Variants in PDZD2 observed in about 807,000 individuals in gnomAD.
PDZD2 encodes the protein PDZ domain containing 2.
PDZD2 carries 90 observed loss-of-function variants against 220.7 expected under a neutral mutation model. That is an observed-to-expected ratio of 0.41 (90% CI 0.34 to 0.49). PDZD2 has a LOEUF of 0.49. Among genes scored for constraint, PDZD2 ranks in the 20% least tolerant of loss-of-function variants. PDZD2 has a pLI of 0.28. For synonymous variants in PDZD2, 1,375 were observed against 1,450.5 expected (o/e 0.95, Z 1.18); for missense variants, 3,174 against 3,608.5 (o/e 0.88, Z 3.08).
At chr5:32,027,109 G>A (rs985705577) in intron 6 of PDZD2, among the ~76,000 whole-genome samples, 7 of 151,972 alleles carry the variant, frequency 4.6e-5, no homozygotes, top group Non-Finnish European at 7.4e-5. Context: ...TCACCATGTT[G>A]GCCAGGCTGG....
chr5:31,737,122 T>C (rs1183514442), intron 1 of PDZD2, among the ~76,000 whole-genome samples: 1 of 150,920 alleles, frequency 6.6e-6, no homozygotes, highest in African/African-American at 2.4e-5. Flanking sequence ...ACCTTAGCAC[T>C]GGGGTGGATG....
At chr5:31,693,088 G>A (rs1327479462) in intron 1 of PDZD2, 4 of 104,906 alleles carry the variant, frequency 3.8e-5, no homozygotes, top group Admixed American at 3.6e-4. Flanking sequence ...CAGCCTGGCA[G>A]GGGCCTGCTG....
chr5:31,983,945 C>T (rs1561263645), intron 3 of PDZD2, among the ~76,000 whole-genome samples: 1 of 152,164 alleles, frequency 6.6e-6, no homozygotes, highest in Non-Finnish European at 1.5e-5. Flanking sequence ...GTGGAAAACT[C>T]AAGCCTTCTG....
At chr5:31,787,026 A>G (rs557730522) in intron 1 of PDZD2, among the ~76,000 whole-genome samples, 1 of 152,342 alleles carries the variant, frequency 6.6e-6, no homozygotes, top group Non-Finnish European at 1.5e-5. Flanking sequence ...TGATAATGCT[A>G]TATGTGGATG....
At chr5:31,980,538 A>G (rs1380112183) in intron 2 of PDZD2, among the ~76,000 whole-genome samples, 4 of 152,166 alleles carry the variant, frequency 2.6e-5, no homozygotes, top group Non-Finnish European at 5.9e-5. Context: ...CCCACTCTCA[A>G]TCTAGTCTTG....
chr5:31,792,166 G>C (rs934074260), intron 1 of PDZD2, among the ~76,000 whole-genome samples: 2 of 152,186 alleles, frequency 1.3e-5, no homozygotes, highest in Non-Finnish European at 2.9e-5. Context: ...ACACGCTTCT[G>C]ACACAAACTA....
chr5:32,018,831 G>A (rs1226693318), intron 6 of PDZD2, among the ~76,000 whole-genome samples: 1 of 152,228 alleles, frequency 6.6e-6, no homozygotes. Context: ...GATTGCCAGA[G>A]CAAGATAGGA....
intron 2 of PDZD2, among the ~76,000 whole-genome samples, chr5:31,920,082 G>A (rs1300118372): frequency 2.0e-5 from 3 of 151,844 alleles, no homozygotes; most frequent in East Asian, 1.9e-4. Flanking sequence ...TCAGTAGTTC[G>A]AGACCAGCCT....
chr5:31,887,129 T>C (rs1346312082), intron 2 of PDZD2, among the ~76,000 whole-genome samples: 3 of 152,234 alleles, frequency 2.0e-5, no homozygotes, highest in African/African-American at 7.2e-5. Flanking sequence ...TCATTCTTAC[T>C]GTGGATTTCT....
At chr5:31,990,961 G>A (rs147779605) in intron 3 of PDZD2, among the ~76,000 whole-genome samples, 1 of 152,252 alleles carries the variant, frequency 6.6e-6, no homozygotes, top group Non-Finnish European at 1.5e-5. Context: ...TCAGAAAAGG[G>A]CAGCCCTGCA....
Position 32,087,730 on chromosome 5 carries a change from G to A in PDZD2, c.4282G>A (p.Asp1428Asn). The change falls in exon 20 of 25, where the codon GAC (aspartate) becomes AAC (asparagine). Residue 1428 changes from aspartate (D) to asparagine (N), a missense_variant. Transcript: ENST00000438447. This position sits in a 1 kb window ranked among gnomAD's most constrained non-coding sequence, Gnocchi z 4.0. ...TAGAGAGAGCCCTGTGACGGACATT[G>A]ACAGCTTCATCAAGGAGCTGGATGC... ...GSRESPVTDI[D>N]SFIKELDASA... The A allele has an allele frequency of 6.2e-7, 1 of 1,614,024 alleles. No homozygotes were observed. Among genetic ancestry groups the A allele is most frequent in the South Asian group, 1.1e-5 (1 of 91,068 alleles).
At chr5:31,849,905 CAT>C (rs1273295441) in intron 2 of PDZD2, among the ~76,000 whole-genome samples, 1,572 of 21,958 alleles carry the variant, frequency 0.072, 278 homozygotes, top group Non-Finnish European at 0.099. Context: ...TATATATATA[CAT>C]ATATATATAT....
At chr5:31,912,273 T>C (rs1743275968) in intron 2 of PDZD2, among the ~76,000 whole-genome samples, 1 of 152,130 alleles carries the variant, frequency 6.6e-6, no homozygotes, top group Non-Finnish European at 1.5e-5. Context: ...TGGGTCTTCA[T>C]ATGGTGGAAG....
chr5:31,962,597 G>A (rs1389447982), intron 2 of PDZD2, among the ~76,000 whole-genome samples: 3 of 152,186 alleles, frequency 2.0e-5, no homozygotes, highest in Non-Finnish European at 2.9e-5. Context: ...TAAGCATCTG[G>A]TGAATTGTGT....
intron 1 of PDZD2, among the ~76,000 whole-genome samples, chr5:31,703,262 G>A (rs1747674608): frequency 6.6e-6 from 1 of 152,222 alleles, no homozygotes; most frequent in African/African-American, 2.4e-5. Flanking sequence ...TAAAGAAAAT[G>A]TGGCACATAT....
intron 12 of PDZD2, 108 bp downstream of exon 12, chr5:32,058,211 A>G (rs530272037): frequency 5.9e-6 from 4 of 676,626 alleles, no homozygotes; most frequent in Admixed American, 2.4e-5. Context: ...CTTTGGTACA[A>G]TCTTCTATCA....
chr5:31,816,287 C>CAAAAAAAAAAAAAAAAAAAAAA (rs34233316), intron 2 of PDZD2, among the ~76,000 whole-genome samples: 299 of 98,568 alleles, frequency 3.0e-3, no homozygotes, highest in Middle Eastern at 5.7e-3. Flanking sequence ...GACTCCATCT[C>CAAAAAAAAAAAAAAAAAAAAAA]AAAAAAAAAA....
intron 2 of PDZD2, among the ~76,000 whole-genome samples, chr5:31,860,049 TGG>T (rs1737540796): frequency 6.6e-6 from 1 of 152,158 alleles, no homozygotes; most frequent in African/African-American, 2.4e-5. Context: ...CTGGAGAAAC[TGG>T]GTGAAGAGAA....
chr5:31,662,789 C>T (rs1340626837), intron 1 of PDZD2, among the ~76,000 whole-genome samples: 1 of 152,182 alleles, frequency 6.6e-6, no homozygotes. Context: ...ACCACCACGC[C>T]CAGCTAATTT....
Sources: gnomAD v4.1 joint callset for allele counts (sites outside exome capture counted in the v4.1 genomes callset) on GRCh38, gnomAD v4.1.1 for gene constraint, Gnocchi (gnomAD v3.1) non-coding constraint, MANE v1.5 for transcripts, NCBI Gene and HGNC (gene_info 2026-07-23, HGNC 2026-07-21) for gene names.